The following PCDHGB4 variants were observed in gnomAD, a reference collection of about 807,000 sequenced individuals.
PCDHGB4 encodes the protein protocadherin gamma subfamily B, 4.
In PCDHGB4, 38 loss-of-function variants were observed where a neutral mutation model predicts 60.5. The observed-to-expected ratio is 0.63, with a 90% CI of 0.48 to 0.82. The LOEUF is 0.82. PCDHGB4 is among the 40% of genes least tolerant of loss of function. The pLI, the probability that PCDHGB4 is intolerant of heterozygous loss-of-function variation, is 0.00. For missense variants in PCDHGB4, 1,109 were observed against 1,209.6 expected, an observed-to-expected ratio of 0.92 and a Z score of 1.23; for synonymous variants, 456 against 509.7, an observed-to-expected ratio of 0.89 and a Z score of 1.42.
chr5:141,431,839 T>A lies in PCDHGB4; in HGVS notation c.2397+41558T>A. The A allele has an allele frequency of 1.2e-6, 2 of 1,614,198 alleles. No individual in the cohort carries two copies. The highest frequency in any genetic ancestry group is 1.7e-6 in the Non-Finnish European group (2 of 1,180,028). The stretch of plus-strand genomic sequence containing the variant: ...TCGCCAGCTCGGTTCCCGAAAACTC[T>A]CCCAGAGGGACATTAATTGCCCTTT... On this transcript the variant is annotated intron_variant, in intron 1 of 3. Coordinates refer to ENST00000519479, the MANE Select transcript of PCDHGB4 (RefSeq NM_003736.4). This position sits in a 1 kb window ranked among gnomAD's most constrained non-coding sequence, Gnocchi z 4.8.
At chr5:141,479,855 C>T (rs1330076788) in intron 1 of PCDHGB4, among the ~76,000 whole-genome samples, 2 of 152,128 alleles carry the variant, frequency 1.3e-5, no homozygotes, top group Non-Finnish European at 2.9e-5. Context: ...ACTGCAAGGC[C>T]TTTGCCCTGG....
rs922405350 is a variant in PCDHGB4, at chr5:141,512,227, T to C, written c.*1054T>C. 5 of 152,764 alleles carry C rather than the reference T, an allele frequency of 3.3e-5. No homozygotes were observed. The highest frequency in any genetic ancestry group is 1.2e-4 in the African/African-American group (5 of 41,552). 9.5% of individuals were successfully genotyped at this position (152,764 alleles called of 1,614,324 possible). On this transcript the variant is annotated 3_prime_UTR_variant, in exon 4 of 4. Transcript: ENST00000519479. ...AAGCAGGTTTAGGACCAGGTCCCCTTGAGAGGTCAGAGGGGCCTCTGTGGG... is the reference window on the plus strand; with the variant it reads ...AAGCAGGTTTAGGACCAGGTCCCCTCGAGAGGTCAGAGGGGCCTCTGTGGG...
chr5:141,392,713 G>A, intron 1 of PCDHGB4: 3 of 1,363,444 alleles, frequency 2.2e-6, no homozygotes, highest in Non-Finnish European at 2.9e-6. Context: ...AGGCACTCCA[G>A]GTTTCCGGAG....
At chr5:141,427,883 C>T (rs2097084423) in intron 1 of PCDHGB4, 2 of 1,563,700 alleles carry the variant, frequency 1.3e-6, no homozygotes, top group African/African-American at 1.3e-5. Context: ...TGCAGGCCCA[C>T]GACCAGGGCT....
At chr5:141,470,585 G>A (rs2099233788) in intron 1 of PCDHGB4, among the ~76,000 whole-genome samples, 1 of 152,188 alleles carries the variant, frequency 6.6e-6, no homozygotes, top group African/African-American at 2.4e-5. Flanking sequence ...AACTTCATAG[G>A]CAGGCGACCT....
At chr5:141,499,025 G>A (rs561539084) in intron 2 of PCDHGB4, among the ~76,000 whole-genome samples, 4 of 140,712 alleles carry the variant, frequency 2.8e-5, no homozygotes, top group Admixed American at 1.4e-4. Context: ...AGGAAGGAAG[G>A]AAGAAAAGAA....
intron 1 of PCDHGB4, chr5:141,421,938 T>C (rs777643980): frequency 2.9e-5 from 46 of 1,613,346 alleles, no homozygotes; most frequent in Non-Finnish European, 3.5e-5. Context: ...TCGATGTAAA[T>C]GATCACATCC....
intron 1 of PCDHGB4, chr5:141,403,095 T>A (rs754367041): frequency 6.2e-7 from 1 of 1,614,026 alleles, no homozygotes; most frequent in East Asian, 2.2e-5. Flanking sequence ...GTGGGCAACA[T>A]CTCCAAGGAC....
chr5:141,454,366 GT>G (rs2098787984), intron 1 of PCDHGB4, among the ~76,000 whole-genome samples: 1 of 152,166 alleles, frequency 6.6e-6, no homozygotes, highest in Admixed American at 6.5e-5. Flanking sequence ...TTAGAAAGGA[GT>G]ATGGCAACTT....
intron 1 of PCDHGB4, chr5:141,478,786 C>T: frequency 6.8e-7 from 1 of 1,480,998 alleles, no homozygotes; most frequent in Non-Finnish European, 9.0e-7. Context: ...ACCTAATTCA[C>T]ATCCTCAGCA....
intron 1 of PCDHGB4, chr5:141,403,329 T>C (rs1325114096): frequency 1.2e-6 from 2 of 1,613,990 alleles, no homozygotes; most frequent in Admixed American, 1.7e-5. Context: ...GTAACTGATA[T>C]TAACGACAGC....
intron 3 of PCDHGB4, among the ~76,000 whole-genome samples, chr5:141,510,440 C>T (rs1251795430): frequency 6.6e-6 from 1 of 152,066 alleles, no homozygotes; most frequent in Non-Finnish European, 1.5e-5. Context: ...TGCTGCCCTC[C>T]AGGAGCCCAT....
Position 141,389,814 on chromosome 5 carries a change from G to C in PCDHGB4, c.1930G>C (p.Val644Leu), listed in dbSNP as rs753211260. 2.0e-5 allele frequency: 32 copies of C among 1,613,868 alleles called. No individual in the cohort carries two copies. In the Admixed American group the frequency reaches 5.0e-4, roughly 25 times the overall value. ...CGTCCGCCAGCGCCTTCTGGTCGCCGTGCGTGACGGTGGACAGCCACCACT... is the reference window on the plus strand; with the variant it reads ...CGTCCGCCAGCGCCTTCTGGTCGCCCTGCGTGACGGTGGACAGCCACCACT... ...DAVRQRLLVAVRDGGQPPLSA... is the reference protein window; with the variant it reads ...DAVRQRLLVALRDGGQPPLSA... Residue 644 changes from valine to leucine, a missense_variant, in exon 1 of 4, where the codon GTG becomes CTG. Transcript: ENST00000519479.
chr5:141,398,197 T>G lies in PCDHGB4; in HGVS notation c.2397+7916T>G, dbSNP rs1317220760. On this transcript the variant is annotated intron_variant, in intron 1 of 3. Transcript: ENST00000519479. Reference sequence around the variant, plus strand: ...AGTGCTCTTTCTCTTCCTGCTGTCTTTGTTCTGCCCGGCGCTCTGTGAGCA... The same window carrying G: ...AGTGCTCTTTCTCTTCCTGCTGTCTGTGTTCTGCCCGGCGCTCTGTGAGCA... 2.7e-6 allele frequency: 4 copies of G among 1,492,294 alleles called. No homozygotes were observed. The African/African-American group carries it at 4.2e-5, about 16-fold the overall frequency. The allele number at this position is 1,492,294 out of a possible 1,614,324, so 92.4% of individuals were successfully genotyped here.
intron 1 of PCDHGB4, among the ~76,000 whole-genome samples, chr5:141,447,600 T>G (rs769487703): frequency 6.6e-6 from 1 of 151,992 alleles, no homozygotes; most frequent in Non-Finnish European, 1.5e-5. Flanking sequence ...TCCTATAGAG[T>G]CCTTAGCATT....
intron 1 of PCDHGB4, chr5:141,423,755 G>A (rs1236551808): frequency 2.5e-5 from 13 of 512,416 alleles, no homozygotes; most frequent in Non-Finnish European, 3.4e-5. Context: ...CTGTTTGGGG[G>A]GGGGGTGGGG....
intron 1 of PCDHGB4, among the ~76,000 whole-genome samples, chr5:141,482,458 C>G (rs986628162): frequency 1.4e-5 from 2 of 147,624 alleles, no homozygotes; most frequent in African/African-American, 2.6e-5. Flanking sequence ...ATTAGCATCC[C>G]TATGTGCCAG....
chr5:141,404,685 C>T (rs554522683), intron 1 of PCDHGB4: 1 of 1,614,010 alleles, frequency 6.2e-7, no homozygotes, highest in South Asian at 1.1e-5. Flanking sequence ...GTGGAGCTGG[C>T]ACCCCGCTCT....
At chr5:141,499,908 G>A (rs903753761) in intron 2 of PCDHGB4, among the ~76,000 whole-genome samples, 2 of 151,980 alleles carry the variant, frequency 1.3e-5, no homozygotes, top group African/African-American at 2.4e-5. Flanking sequence ...GGCTGGTCTT[G>A]AACTCCTGGC....
Sources: gnomAD v4.1 joint callset for allele counts (sites outside exome capture counted in the v4.1 genomes callset) on GRCh38, gnomAD v4.1.1 for gene constraint, Gnocchi (gnomAD v3.1) non-coding constraint, MANE v1.5 for transcripts, NCBI Gene and HGNC (gene_info 2026-07-23, HGNC 2026-07-21) for gene names.